Variants in ZFPM2 observed in about 807,000 individuals in gnomAD.
ZFPM2 encodes zinc finger protein ZFPM2.
In ZFPM2, 20 loss-of-function variants were observed where a neutral mutation model predicts 98.6. The observed-to-expected ratio is 0.20, with a 90% CI of 0.14 to 0.29. The LOEUF (loss-of-function observed/expected upper bound fraction) is 0.29, where lower values mean the gene tolerates loss of function less well. Among genes scored for constraint, ZFPM2 ranks in the 10% least tolerant of loss-of-function variants. The pLI is 1.00. For synonymous variants in ZFPM2, 518 were observed against 502.7 expected (o/e 1.03, Z -0.41); for missense variants, 1,310 against 1,388.6 (o/e 0.94, Z 0.90).
At chr8:105,499,806 T>C (rs963616595) in intron 3 of ZFPM2, among the ~76,000 whole-genome samples, 1 of 152,176 alleles carries the variant, frequency 6.6e-6, no homozygotes, top group Non-Finnish European at 1.5e-5. Flanking sequence ...AGGAGCTTTT[T>C]GTAGGGGCAG....
At chr8:105,693,418 G>C (rs1810937728) in intron 5 of ZFPM2, among the ~76,000 whole-genome samples, 1 of 152,140 alleles carries the variant, frequency 6.6e-6, no homozygotes, top group Non-Finnish European at 1.5e-5. Flanking sequence ...CAGAGAAAGA[G>C]GAGCAGATGA....
intron 1 of ZFPM2, among the ~76,000 whole-genome samples, chr8:105,390,102 T>A (rs1811079104): frequency 6.6e-6 from 1 of 152,190 alleles, no homozygotes; most frequent in African/African-American, 2.4e-5. Context: ...AATGTAATTC[T>A]GACACTAACA....
intron 3 of ZFPM2, among the ~76,000 whole-genome samples, chr8:105,512,270 A>C (rs1319764009): frequency 1.2e-4 from 18 of 152,222 alleles, no homozygotes; most frequent in Admixed American, 1.2e-3. Context: ...TGAAGAGCAT[A>C]GGTTTTGAAA....
intron 1 of ZFPM2, among the ~76,000 whole-genome samples, chr8:105,406,434 C>T (rs576295381): frequency 6.6e-6 from 1 of 152,094 alleles, no homozygotes; most frequent in Non-Finnish European, 1.5e-5. Flanking sequence ...CCCTTCCTTA[C>T]ACCTTATACA....
At chr8:105,566,220 C>T (rs1815240868) in intron 4 of ZFPM2, among the ~76,000 whole-genome samples, 1 of 152,126 alleles carries the variant, frequency 6.6e-6, no homozygotes, top group Non-Finnish European at 1.5e-5. Flanking sequence ...CGAAGGTCTG[C>T]ACTACCTTGC....
chr8:105,737,897 T>G (rs2131027038), intron 5 of ZFPM2: 1 of 152,186 alleles, frequency 6.6e-6, no homozygotes. Flanking sequence ...GGGTGCTTTC[T>G]TATAATGGGA....
chr8:105,652,759 A>G (rs184679132), intron 5 of ZFPM2, among the ~76,000 whole-genome samples: 34 of 152,330 alleles, frequency 2.2e-4, no homozygotes, highest in Non-Finnish European at 3.5e-4. Flanking sequence ...TGAGGAATTT[A>G]AGATTCCATA....
At chr8:105,455,665 CAA>C (rs1812574657) in intron 3 of ZFPM2, among the ~76,000 whole-genome samples, 2 of 152,104 alleles carry the variant, frequency 1.3e-5, no homozygotes, top group Admixed American at 1.3e-4. Flanking sequence ...CTGGCCTTAT[CAA>C]GAGATCACAG....
At chr8:105,378,719 G>A (rs1216935347) in intron 1 of ZFPM2, among the ~76,000 whole-genome samples, 5 of 152,078 alleles carry the variant, frequency 3.3e-5, no homozygotes, top group South Asian at 2.1e-4. Context: ...TTGATATACC[G>A]TGTATGTTTT....
chr8:105,582,997 T>C (rs568058551), intron 4 of ZFPM2, among the ~76,000 whole-genome samples: 7 of 152,314 alleles, frequency 4.6e-5, no homozygotes, highest in African/African-American at 1.7e-4. Flanking sequence ...GTTAATTTGT[T>C]ATTAAGAAAT....
chr8:105,471,871 A>G (rs1812910808), intron 3 of ZFPM2, among the ~76,000 whole-genome samples: 1 of 152,192 alleles, frequency 6.6e-6, no homozygotes, highest in Non-Finnish European at 1.5e-5. Context: ...TGGTCTCCTT[A>G]TCATAAAAAG....
At chr8:105,568,197 T>C (rs1026422331) in intron 4 of ZFPM2, among the ~76,000 whole-genome samples, 1 of 152,066 alleles carries the variant, frequency 6.6e-6, no homozygotes, top group African/African-American at 2.4e-5. Context: ...CTTTCTCTAA[T>C]AGCACATTTC....
intron 1 of ZFPM2, chr8:105,418,935 CTG>C (rs1321060926): frequency 1.7e-6 from 1 of 603,278 alleles, no homozygotes; most frequent in African/African-American, 1.9e-5. Flanking sequence ...GTTATAACTT[CTG>C]ACACTGGTTT....
intron 1 of ZFPM2, among the ~76,000 whole-genome samples, chr8:105,405,741 T>C (rs574481856): frequency 1.9e-4 from 29 of 152,162 alleles, no homozygotes; most frequent in African/African-American, 5.8e-4. Flanking sequence ...AATAAACATA[T>C]GTGTGCATGT....
At chr8:105,757,517 C>T (rs188415020) in intron 5 of ZFPM2, among the ~76,000 whole-genome samples, 15 of 152,216 alleles carry the variant, frequency 9.9e-5, no homozygotes, top group African/African-American at 2.4e-4. Context: ...CAGGACAAAA[C>T]GCGTAGTTAT....
At chr8:105,358,147 C>A (rs1004704071) in intron 1 of ZFPM2, among the ~76,000 whole-genome samples, 14 of 151,988 alleles carry the variant, frequency 9.2e-5, no homozygotes, top group African/African-American at 3.4e-4. Context: ...GTTATATCAC[C>A]CCTGGAGATA....
chr8:105,512,392 T>C (rs1435141495), intron 3 of ZFPM2, among the ~76,000 whole-genome samples: 2 of 152,188 alleles, frequency 1.3e-5, no homozygotes, highest in African/African-American at 4.8e-5. Context: ...CCAACAGACT[T>C]ACTAGGATTG....
chr8:105,644,274 CTTTCT>C (rs1483855761), intron 5 of ZFPM2, among the ~76,000 whole-genome samples: 2 of 145,554 alleles, frequency 1.4e-5, no homozygotes, highest in Admixed American at 1.4e-4. Flanking sequence ...TTTTATTTTT[CTTTCT>C]TTTCTTTTTT....
intron 4 of ZFPM2, among the ~76,000 whole-genome samples, chr8:105,624,456 G>A (rs749314859): frequency 1.3e-5 from 2 of 152,158 alleles, no homozygotes; most frequent in African/African-American, 4.8e-5. Flanking sequence ...TGGGAGTGAA[G>A]TTGGCAAAAG....
Sources: gnomAD v4.1 joint callset for allele counts (sites outside exome capture counted in the v4.1 genomes callset) on GRCh38, gnomAD v4.1.1 for gene constraint, MANE v1.5 for transcripts, NCBI Gene and HGNC (gene_info 2026-07-23, HGNC 2026-07-21) for gene names.